The following ZFPM2 variants were observed in gnomAD, a reference collection of about 807,000 sequenced individuals.
ZFPM2 encodes the protein zinc finger protein, FOG family member 2.
ZFPM2 carries 20 observed loss-of-function variants against 98.6 expected under a neutral mutation model. The ratio of observed to expected loss-of-function variants is 0.20; its 90% CI spans 0.14 to 0.29. ZFPM2 has a LOEUF of 0.29. Ranked by LOEUF, ZFPM2 falls within the 10% of genes least tolerant of loss-of-function variation. The pLI is 1.00. For synonymous variants in ZFPM2, 518 were observed against 502.7 expected (o/e 1.03, Z -0.41); for missense variants, 1,310 against 1,388.6 (o/e 0.94, Z 0.90).
In ZFPM2 at chr8:105,705,995, A is replaced by G. The variant is rs553287603; in HGVS notation, c.532+71638A>G. 1.9e-4 allele frequency among the ~76,000 whole-genome samples: 29 copies of G among 152,308 alleles called. No individual in the cohort carries two copies. In the South Asian group the frequency reaches 5.8e-3, roughly 30 times the overall value. Reference sequence around the variant, plus strand: ...GCAATTTCACTTTCACATGCACCATACGATTTATATATTCCTTAATACACT... The same window carrying G: ...GCAATTTCACTTTCACATGCACCATGCGATTTATATATTCCTTAATACACT... On this transcript the variant is annotated intron_variant, in intron 5 of 7. Transcript: ENST00000407775.
At chr8:105,529,341 A>AT (rs1184726440) in intron 3 of ZFPM2, among the ~76,000 whole-genome samples, 2 of 152,096 alleles carry the variant, frequency 1.3e-5, no homozygotes, top group Admixed American at 1.3e-4. Flanking sequence ...ATGCATTTTT[A>AT]TGGGGGGCAC....
chr8:105,691,730 ACCCT>A (rs1349861365), intron 5 of ZFPM2, among the ~76,000 whole-genome samples: 1 of 152,120 alleles, frequency 6.6e-6, no homozygotes, highest in Non-Finnish European at 1.5e-5. Context: ...GGAGGTGTGA[ACCCT>A]GTGAGGGTAG....
chr8:105,524,108 A>G (rs1274495094), intron 3 of ZFPM2, among the ~76,000 whole-genome samples: 1 of 152,180 alleles, frequency 6.6e-6, no homozygotes, highest in Non-Finnish European at 1.5e-5. Flanking sequence ...CTATTAATAT[A>G]TATATTTATA....
intron 3 of ZFPM2, among the ~76,000 whole-genome samples, chr8:105,524,499 TCTCA>T (rs1187894147): frequency 6.6e-6 from 1 of 151,836 alleles, no homozygotes; most frequent in Non-Finnish European, 1.5e-5. Flanking sequence ...TCTCTCTCTC[TCTCA>T]CACACACACA....
At chr8:105,380,010 A>G (rs560072638) in intron 1 of ZFPM2, among the ~76,000 whole-genome samples, 1 of 152,292 alleles carries the variant, frequency 6.6e-6, no homozygotes, top group South Asian at 2.1e-4. Context: ...AATACTCATG[A>G]CAAAATGCTC....
At chr8:105,368,476 C>T (rs578161797) in intron 1 of ZFPM2, among the ~76,000 whole-genome samples, 26 of 152,258 alleles carry the variant, frequency 1.7e-4, no homozygotes, top group African/African-American at 6.0e-4. Context: ...CTGTCATAGG[C>T]ATTCAAAAGT....
intron 4 of ZFPM2, among the ~76,000 whole-genome samples, chr8:105,613,841 A>G (rs1563743337): frequency 6.6e-6 from 1 of 152,192 alleles, no homozygotes; most frequent in African/African-American, 2.4e-5. Context: ...AAAAAAGGCA[A>G]AGTTACATTT....
At chr8:105,394,868 G>A (rs1209493580) in intron 1 of ZFPM2, among the ~76,000 whole-genome samples, 1 of 152,188 alleles carries the variant, frequency 6.6e-6, no homozygotes, top group Non-Finnish European at 1.5e-5. Flanking sequence ...TTATGAAGCA[G>A]CATTTGGAAT....
At chr8:105,627,328 G>A (rs1473245459) in intron 4 of ZFPM2, among the ~76,000 whole-genome samples, 1 of 152,096 alleles carries the variant, frequency 6.6e-6, no homozygotes, top group Non-Finnish European at 1.5e-5. Context: ...GTTGTGGGCT[G>A]TCTAAACGTG....
intron 1 of ZFPM2, among the ~76,000 whole-genome samples, chr8:105,327,438 A>G (rs528337787): frequency 1.3e-5 from 2 of 151,796 alleles, no homozygotes; most frequent in South Asian, 4.1e-4. Flanking sequence ...TTGAAGAAAA[A>G]CTATTTGCTT....
At position 105,576,774 on chromosome 8, in the gene ZFPM2, AGG is replaced by A. The variant is rs544615840; in HGVS notation, c.420+15294_420+15295del. Among the ~76,000 whole-genome samples, 371 of 152,246 alleles carry A rather than the reference AGG, an allele frequency of 2.4e-3. 1 individual carries two copies. Among genetic ancestry groups the A allele is most frequent in the African/African-American group, 8.6e-3 (357 of 41,550 alleles). ...TTTCACTTGAAGTTAATCATTAAGA[AGG>A]CTTTTTAGAATGGACCCAAGCAAAA... On this transcript the variant is annotated intron_variant, in intron 4 of 7. Coordinates refer to ENST00000407775, the MANE Select transcript of ZFPM2 (RefSeq NM_012082.4).
intron 4 of ZFPM2, among the ~76,000 whole-genome samples, chr8:105,572,356 A>G (rs2130723589): frequency 1.3e-5 from 2 of 152,076 alleles, no homozygotes; most frequent in Admixed American, 1.3e-4. Context: ...ATTTCTAATA[A>G]GAGAATAATA....
chr8:105,603,831 C>T (rs1816143024), intron 4 of ZFPM2, among the ~76,000 whole-genome samples: 1 of 152,030 alleles, frequency 6.6e-6, no homozygotes, highest in African/African-American at 2.4e-5. Flanking sequence ...GTCCCTCCTT[C>T]CTGAAGCACT....
intron 3 of ZFPM2, among the ~76,000 whole-genome samples, chr8:105,453,113 A>AG (rs1234477187): frequency 1.3e-5 from 2 of 152,216 alleles, no homozygotes; most frequent in Non-Finnish European, 2.9e-5. Context: ...AATTACTAGA[A>AG]GGGTAATATT....
intron 4 of ZFPM2, among the ~76,000 whole-genome samples, chr8:105,585,232 C>T (rs2130751260): frequency 6.6e-6 from 1 of 152,280 alleles, no homozygotes; most frequent in South Asian, 2.1e-4. Flanking sequence ...TATAAGGTTT[C>T]TCTAAGAAGG....
intron 4 of ZFPM2, among the ~76,000 whole-genome samples, chr8:105,578,665 A>G (rs1214172052): frequency 6.6e-6 from 1 of 151,920 alleles, no homozygotes; most frequent in Non-Finnish European, 1.5e-5. Context: ...CTTCACCTGG[A>G]TATTAATATT....
At chr8:105,796,239 G>T (rs1385975555) in intron 6 of ZFPM2, among the ~76,000 whole-genome samples, 1 of 152,186 alleles carries the variant, frequency 6.6e-6, no homozygotes, top group Non-Finnish European at 1.5e-5. Context: ...TGAGGCAAAA[G>T]AATTTTATTG....
At chr8:105,779,152 T>A (rs1813185357) in intron 5 of ZFPM2, among the ~76,000 whole-genome samples, 1 of 152,174 alleles carries the variant, frequency 6.6e-6, no homozygotes, top group Non-Finnish European at 1.5e-5. Flanking sequence ...GTATGCGGTT[T>A]GTTTGCTTGT....
chr8:105,787,416 T>C (rs1178992760), intron 5 of ZFPM2: 2 of 152,226 alleles, frequency 1.3e-5, no homozygotes, highest in Non-Finnish European at 2.9e-5. Context: ...TTAACAATCA[T>C]ATACTCTCAC....
Sources: gnomAD v4.1 joint callset for allele counts (sites outside exome capture counted in the v4.1 genomes callset) on GRCh38, gnomAD v4.1.1 for gene constraint, MANE v1.5 for transcripts, NCBI Gene and HGNC (gene_info 2026-07-23, HGNC 2026-07-21) for gene names.